Variants in TAF1L observed in about 807,000 individuals in gnomAD.
The protein encoded by TAF1L is TATA-box binding protein associated factor 1 like.
A neutral mutation model predicts 128.8 loss-of-function variants in TAF1L; 30 were observed. That is an observed-to-expected ratio of 0.23 (90% CI 0.17 to 0.32). The LOEUF (loss-of-function observed/expected upper bound fraction) is 0.32, where lower values mean the gene tolerates loss of function less well. Among genes scored for constraint, TAF1L ranks in the 10% least tolerant of loss-of-function variants. The pLI is 1.00. For missense variants in TAF1L, 2,099 were observed against 2,253.7 expected (o/e 0.93, Z 1.39); for synonymous variants, 764 against 790.7 (o/e 0.97, Z 0.57).
At position 32,631,990 on chromosome 9, in the gene TAF1L, T is replaced by C. The variant is rs771914740; in HGVS notation, c.3590A>G (p.Glu1197Gly). ...TCGGACTGTCTCACAGCGAACATACTCTTTCCCCTCTTCATCTCGAAATGT... is the reference window on the plus strand; with the variant it reads ...TCGGACTGTCTCACAGCGAACATACCCTTTCCCCTCTTCATCTCGAAATGT... The part of the protein sequence containing the change: ...YRTFRDEEGK[E>G]YVRCETVRKP... The change falls in exon 1 of 1, where the codon GAG becomes GGG. Residue 1197 changes from glutamate (E) to glycine (G), a missense_variant. Glu to Gly is a moderately conservative substitution (Grantham distance 98). Transcript: ENST00000242310. This position sits in a 1 kb window ranked among gnomAD's most constrained non-coding sequence, Gnocchi z 4.1. The C allele has an allele frequency of 1.9e-6, 3 of 1,614,232 alleles. No individual in the cohort carries two copies. Among genetic ancestry groups the C allele is most frequent in the Non-Finnish European group, 2.5e-6 (3 of 1,180,044 alleles).
chr9:32,630,593 A>C lies in TAF1L; in HGVS notation c.4987T>G (p.Ser1663Ala). Reference protein sequence around the residue: ...LDPMTPGPYTSQPPDMYDTNT... With the variant: ...LDPMTPGPYTAQPPDMYDTNT... ...GTATCATACATATCAGGAGGCTGAG[A>C]TGTGTAGGGCCCTGGGGTCATTGGG... is the stretch of plus-strand genomic sequence containing the variant. The change falls in exon 1 of 1, where the codon TCT (serine) becomes GCT (alanine). Residue 1663 changes from serine to alanine, a missense_variant. By Grantham distance (99) the Ser-to-Ala change is moderately conservative. Transcript: ENST00000242310. The C allele has an allele frequency of 6.2e-7, 1 of 1,614,166 alleles. No homozygotes were observed. The highest frequency in any genetic ancestry group is 8.5e-7 in the Non-Finnish European group (1 of 1,180,038).
chr9:32,631,752 A>T lies in TAF1L; in HGVS notation c.3828T>A (p.Arg1276=). The part of the protein sequence containing the change: ...PEKKPKKMKE[R]PDLKLKCGAC... Reference sequence around the variant, plus strand: ...CCCCACATTTCAGTTTTAGGTCAGGACGCTCTTTCATTTTCTTGGGCTTCT... The same window carrying T: ...CCCCACATTTCAGTTTTAGGTCAGGTCGCTCTTTCATTTTCTTGGGCTTCT... Residue 1276 remains arginine, a synonymous_variant, in exon 1 of 1, where the codon CGT becomes CGA. Coordinates refer to ENST00000242310, the MANE Select transcript of TAF1L (RefSeq NM_153809.2). This position sits in a 1 kb window ranked among gnomAD's most constrained non-coding sequence, Gnocchi z 4.1. 6.2e-7 allele frequency: 1 copy of T among 1,614,094 alleles called. No homozygotes were observed. The highest frequency in any genetic ancestry group is 8.5e-7 in the Non-Finnish European group (1 of 1,180,020).
In TAF1L at chr9:32,632,903, C is replaced by T. The variant is rs758579477; in HGVS notation, c.2677G>A (p.Glu893Lys). ...LKSDFRLPTEEEIRAKVSPEQ... is the reference protein window; with the variant it reads ...LKSDFRLPTEKEIRAKVSPEQ... ...GGTGACACCTTAGCTCTGATCTCTT[C>T]TTCCGTTGGTAAACGAAAATCAGAC... The change falls in exon 1 of 1, where the codon GAA becomes AAA. Residue 893 changes from glutamate (E) to lysine (K), a missense_variant. Physicochemically the swap from Glu to Lys is moderately conservative, Grantham distance 56 (BLOSUM62 1). Around this residue, in one of 4 missense-constraint regions of TAF1L, gnomAD observed 1,213 missense variants for 1,391.4 expected, o/e 0.87. Transcript: ENST00000242310. The surrounding 1 kb of genome is among the most constrained non-coding windows in gnomAD (Gnocchi z 4.4). 1 of 1,614,230 alleles carries T rather than the reference C, an allele frequency of 6.2e-7. No homozygotes were observed. Among genetic ancestry groups the T allele is most frequent in the Non-Finnish European group, 8.5e-7 (1 of 1,180,030 alleles).
Position 32,635,542 on chromosome 9 carries a change from G to A in TAF1L, c.38C>T (p.Ala13Val). 1.2e-6 allele frequency: 2 copies of A among 1,614,038 alleles called. No individual in the cohort carries two copies. Among genetic ancestry groups the A allele is most frequent in the Non-Finnish European group, 1.7e-6 (2 of 1,179,988 alleles). The change falls in exon 1 of 1, where the codon GCT becomes GTT. Residue 13 changes from alanine (A) to valine (V), a missense_variant. By Grantham distance (64) the Ala-to-Val change is moderately conservative. Transcript: ENST00000242310. ...TGACATGATGGCGGCAGTGACGGTA[G>A]CTGCTGCCCTCAGCAGCAAATCGCA... ...PGCDLLLRAA[A>V]TVTAAIMSDS...
Position 32,634,787 on chromosome 9 carries a change from A to C in TAF1L, c.793T>G (p.Phe265Val), listed in dbSNP as rs781399503. ...PGKVLRFLHLFGPGKNVPSVW... is the reference protein window; with the variant it reads ...PGKVLRFLHLVGPGKNVPSVW... Reference sequence around the variant, plus strand: ...GATGGGACATTCTTCCCTGGTCCAAAAAGATGTAGGAAGCGTAACACTTTT... The same window carrying C: ...GATGGGACATTCTTCCCTGGTCCAACAAGATGTAGGAAGCGTAACACTTTT... The change falls in exon 1 of 1, where the codon TTT becomes GTT. Residue 265 changes from phenylalanine to valine, a missense_variant. Coordinates refer to ENST00000242310, the MANE Select transcript of TAF1L (RefSeq NM_153809.2). 18 of 1,614,050 alleles carry C rather than the reference A, an allele frequency of 1.1e-5. No homozygotes were observed. In the African/African-American group the frequency reaches 2.3e-4, roughly 20 times the overall value.
Position 32,634,914 on chromosome 9 carries a change from A to T in TAF1L, c.666T>A (p.Ser222=). The change falls in exon 1 of 1, where the codon TCT becomes TCA. Residue 222 remains serine, a synonymous_variant. Transcript: ENST00000242310. The stretch of plus-strand genomic sequence containing the variant: ...ATGGAAGGGTCAGCTTTCCATCCTC[A>T]GATTCTGCCTGTGTTGCTTCCTGAG... The part of the protein sequence containing the change: ...MGPQEATQAE[S]EDGKLTLPLA... 1.2e-6 allele frequency: 2 copies of T among 1,614,144 alleles called. No homozygotes were observed. The highest frequency in any genetic ancestry group is 8.5e-7 in the Non-Finnish European group (1 of 1,180,030).
rs1430870193 is a variant in TAF1L, at chr9:32,633,096, A to G, written c.2484T>C (p.Val828=). The part of the protein sequence containing the change: ...ANMHIRDFLQ[V]FIYRLFWKSK... The stretch of plus-strand genomic sequence containing the variant: ...TCTTCCAGAAAAGGCGGTAAATAAA[A>G]ACCTGTAGAAAGTCTCGAATATGCA... The change falls in exon 1 of 1, where the codon GTT becomes GTC. Residue 828 remains valine, a synonymous_variant. Transcript: ENST00000242310. 6.2e-7 allele frequency: 1 copy of G among 1,614,078 alleles called. No homozygotes were observed. The highest frequency in any genetic ancestry group is 8.5e-7 in the Non-Finnish European group (1 of 1,180,034).
Position 32,635,153 on chromosome 9 carries a change from A to G in TAF1L, c.427T>C (p.Tyr143His), listed in dbSNP as rs754009280. 3 of 1,614,168 alleles carry G rather than the reference A, an allele frequency of 1.9e-6. No homozygotes were observed. The highest frequency in any genetic ancestry group is 2.5e-6 in the Non-Finnish European group (3 of 1,180,028). ...TCAATGTCTTCACAATCAGCATCAT[A>G]GTCATCTTCATCATAATCCGAGTGG... ...LYHSDYDEDD[Y>H]DADCEDIDCK... is the part of the protein sequence containing the mutation. The change falls in exon 1 of 1, where the codon TAT (tyrosine) becomes CAT (histidine). Residue 143 changes from tyrosine (Y) to histidine (H), a missense_variant. Physicochemically the swap from Tyr to His is moderately conservative, Grantham distance 83. This residue lies in a region of TAF1L where 473 missense variants were observed against 429.6 expected (regional missense o/e 1.10). Transcript: ENST00000242310.
At position 32,634,957 on chromosome 9, in the gene TAF1L, G is replaced by C; in HGVS notation, c.623C>G (p.Ser208Ter). The C allele has an allele frequency of 6.2e-7, 1 of 1,614,124 alleles. No individual in the cohort carries two copies. Among genetic ancestry groups the C allele is most frequent in the Non-Finnish European group, 8.5e-7 (1 of 1,180,026 alleles). Reference protein sequence around the residue: ...EKVDFSSYSDSESEMGPQEAT... With the variant: ...EKVDFSSYSD The stretch of plus-strand genomic sequence containing the variant: ...TTCCTGAGGTCCCATCTCAGATTCT[G>C]AATCAGAGTAACTACTGAAATCCAC... Residue 208 changes from serine (S) to a stop codon, truncating the protein, a stop_gained, in exon 1 of 1, where the codon TCA becomes TGA. Coordinates refer to ENST00000242310, the MANE Select transcript of TAF1L (RefSeq NM_153809.2). LOFTEE classifies it high-confidence loss of function.
Position 32,631,453 on chromosome 9 carries a change from C to A in TAF1L, c.4127G>T (p.Arg1376Leu). The change falls in exon 1 of 1, where the codon CGA becomes CTA. Residue 1376 changes from arginine (R) to leucine (L), a missense_variant. By Grantham distance (102) the Arg-to-Leu change is moderately radical. Around this residue, in one of 4 missense-constraint regions of TAF1L, gnomAD observed 1,213 missense variants for 1,391.4 expected, o/e 0.87. Transcript: ENST00000242310. This position sits in a 1 kb window ranked among gnomAD's most constrained non-coding sequence, Gnocchi z 4.1. ...KQQLPPKKKR[R>L]VGTTVHCDYL... ...GTCACAATGAACAGTGGTTCCAACTCGCCGTTTCTTCTTTGGAGGAAGCTG... is the reference window on the plus strand; with the variant it reads ...GTCACAATGAACAGTGGTTCCAACTAGCCGTTTCTTCTTTGGAGGAAGCTG... 6.2e-7 allele frequency: 1 copy of A among 1,614,154 alleles called. No individual in the cohort carries two copies. Among genetic ancestry groups the A allele is most frequent in the Non-Finnish European group, 8.5e-7 (1 of 1,180,032 alleles).
Position 32,629,953 on chromosome 9 carries a change from G to C in TAF1L, c.*146C>G. 6.7e-7 allele frequency: 1 copy of C among 1,485,498 alleles called. No individual in the cohort carries two copies. Among genetic ancestry groups the C allele is most frequent in the Middle Eastern group, 2.3e-4 (1 of 4,426 alleles). 92.0% of individuals were successfully genotyped at this position (1,485,498 alleles called of 1,614,324 possible). On this transcript the variant is annotated 3_prime_UTR_variant, in exon 1 of 1. Transcript: ENST00000242310. ...TTACAGGTGTGAGCCACCATGCCCA[G>C]CTGGAAATTTCCGATGCTGCTGAAG...
Position 32,632,193 on chromosome 9 carries a change from G to A in TAF1L, c.3387C>T (p.Asn1129=), listed in dbSNP as rs567726903. The A allele has an allele frequency of 6.7e-5, 108 of 1,614,178 alleles. 2 individuals carry two copies. In the South Asian group the frequency reaches 1.1e-3, roughly 17 times the overall value. Residue 1129 remains asparagine, a synonymous_variant, in exon 1 of 1, where the codon AAC becomes AAT. Coordinates refer to ENST00000242310, the MANE Select transcript of TAF1L (RefSeq NM_153809.2). This position sits in a 1 kb window ranked among gnomAD's most constrained non-coding sequence, Gnocchi z 4.4. ...MGKNIENMLQ[N]KKTSSQLSRE... ...GTGACAGCTGAGAGCTGGTTTTCTT[G>A]TTCTGCAACATGTTCTCAATGTTCT... is the stretch of plus-strand genomic sequence containing the variant.
At position 32,635,597 on chromosome 9, in the gene TAF1L, A is replaced by G. The variant is rs763693308; in HGVS notation, c.-18T>C. 53 of 1,556,966 alleles carry G rather than the reference A, an allele frequency of 3.4e-5. No individual in the cohort carries two copies. The highest frequency in any genetic ancestry group is 4.5e-5 in the Non-Finnish European group (52 of 1,147,290). On this transcript the variant is annotated 5_prime_UTR_variant, in exon 1 of 1. Coordinates refer to ENST00000242310, the MANE Select transcript of TAF1L (RefSeq NM_153809.2). ...GGTCGCATAAACCGGAAATAAAACA[A>G]CAGTCGCCCGGAAGTGATCTACTTA...
In TAF1L at chr9:32,632,143, T is replaced by C. The variant is rs1822525927; in HGVS notation, c.3437A>G (p.Lys1146Arg). 1.2e-6 allele frequency: 2 copies of C among 1,614,222 alleles called. No homozygotes were observed. The highest frequency in any genetic ancestry group is 2.2e-5 in the East Asian group (1 of 44,880). ...TACCAGTAGCATTCGCCGTAGTTCC[T>C]TCCGCTCCTGCTCCTCCCATTCACG... ...LSREWEEQER[K>R]ELRRMLLVAG... Residue 1146 changes from lysine to arginine, a missense_variant, in exon 1 of 1, where the codon AAG becomes AGG. Around this residue, in one of 4 missense-constraint regions of TAF1L, gnomAD observed 1,213 missense variants for 1,391.4 expected, o/e 0.87. Coordinates refer to ENST00000242310, the MANE Select transcript of TAF1L (RefSeq NM_153809.2). This position sits in a 1 kb window ranked among gnomAD's most constrained non-coding sequence, Gnocchi z 4.4.
In TAF1L at chr9:32,630,775, T is replaced by C. The variant is rs1192989206; in HGVS notation, c.4805A>G (p.Asn1602Ser). 3 of 1,614,128 alleles carry C rather than the reference T, an allele frequency of 1.9e-6. No individual in the cohort carries two copies. Among genetic ancestry groups the C allele is most frequent in the Non-Finnish European group, 2.5e-6 (3 of 1,180,052 alleles). ...CTTAGTGTACTGACTCTCAGGTCCA[T>C]TATACTTAACACTGTTGGCAAGAAT... ...NLILANSVKY[N>S]GPESQYTKTA... The change falls in exon 1 of 1, where the codon AAT (asparagine) becomes AGT (serine). Residue 1602 changes from asparagine (N) to serine (S), a missense_variant. Transcript: ENST00000242310.
At position 32,631,393 on chromosome 9, in the gene TAF1L, C is replaced by A. The variant is rs377752884; in HGVS notation, c.4187G>T (p.Arg1396Leu). The A allele has an allele frequency of 6.2e-7, 1 of 1,614,084 alleles. No individual in the cohort carries two copies. ...LNIPHKSIHR[R>L]RTDPMVTLSS... is the part of the protein sequence containing the mutation. ...CAGCGTCACCATAGGGTCTGTGCGG[C>A]GTCGGTGGATGGACTTATGAGGTAT... is the stretch of plus-strand genomic sequence containing the variant. Residue 1396 changes from arginine (R) to leucine (L), a missense_variant, in exon 1 of 1, where the codon CGC (arginine) becomes CTC (leucine). Transcript: ENST00000242310. This position sits in a 1 kb window ranked among gnomAD's most constrained non-coding sequence, Gnocchi z 4.1.
In TAF1L at chr9:32,629,712, C is replaced by CAGTG. The variant is rs1188758054; in HGVS notation, c.*383_*386dup. The CAGTG allele has an allele frequency of 6.6e-6, 2 of 304,716 alleles. No individual in the cohort carries two copies. Among genetic ancestry groups the CAGTG allele is most frequent in the African/African-American group, 4.3e-5 (2 of 46,114 alleles). 18.9% of individuals were successfully genotyped at this position (304,716 alleles called of 1,614,324 possible). On this transcript the variant is annotated 3_prime_UTR_variant, in exon 1 of 1. Transcript: ENST00000242310. Reference sequence around the variant, plus strand: ...TCACTCTTTCGCCCAGGCTGGAGCGCAGTGGCGTGATCTCCACTCACTGCA... The same window carrying CAGTG: ...TCACTCTTTCGCCCAGGCTGGAGCGCAGTGAGTGGCGTGATCTCCACTCACTGCA...
rs34787787 is a variant in TAF1L at position 32,633,046 on chromosome 9, C to A, written c.2534G>T (p.Arg845Leu). The A allele has an allele frequency of 2.5e-6, 4 of 1,614,148 alleles. No individual in the cohort carries two copies. The African/African-American group carries it at 5.3e-5, about 22-fold the overall frequency. Residue 845 changes from arginine (R) to leucine (L), a missense_variant, in exon 1 of 1, where the codon CGA becomes CTA. Physicochemically the swap from Arg to Leu is moderately radical, Grantham distance 102 (BLOSUM62 -2). This residue lies in a region of TAF1L where 1,213 missense variants were observed against 1,391.4 expected (regional missense o/e 0.87). Transcript: ENST00000242310. ...AAAGGCTTTTTTTATATCTTCCATT[C>A]GTATCCTCCGTGGCCGATCTTTACT... ...WKSKDRPRRI[R>L]MEDIKKAFPS...
In TAF1L at chr9:32,633,437, T is replaced by C. The variant is rs1343381877; in HGVS notation, c.2143A>G (p.Met715Val). 2 of 1,614,086 alleles carry C rather than the reference T, an allele frequency of 1.2e-6. No individual in the cohort carries two copies. The highest frequency in any genetic ancestry group is 4.5e-5 in the East Asian group (2 of 44,902). Residue 715 changes from methionine to valine, a missense_variant, in exon 1 of 1, where the codon ATG (methionine) becomes GTG (valine). Physicochemically the swap from Met to Val is conservative, Grantham distance 21. Around this residue, in one of 4 missense-constraint regions of TAF1L, gnomAD observed 1,213 missense variants for 1,391.4 expected, o/e 0.87. Transcript: ENST00000242310. The stretch of plus-strand genomic sequence containing the variant: ...TAATAGTTCTTTATCTTGGTTGCCA[T>C]GCCAACCTGCATCATTAAGGGTCCA... ...ENGPLMMQVG[M>V]ATKIKNYYKR...
Sources: gnomAD v4.1 joint callset for allele counts on GRCh38, gnomAD v4.1.1 for gene constraint, gnomAD v4.1.1 regional missense constraint, Gnocchi (gnomAD v3.1) non-coding constraint, MANE v1.5 for transcripts, NCBI Gene and HGNC (gene_info 2026-07-23, HGNC 2026-07-21) for gene names.